LRP1B: variants seen among roughly 807,000 people sequenced by gnomAD.
LRP1B encodes LDL receptor related protein 1B.
Under a neutral mutation model 556.6 loss-of-function variants are expected in LRP1B, and 217 were observed. That is an observed-to-expected ratio of 0.39 (90% confidence interval 0.35 to 0.44). The LOEUF (loss-of-function observed/expected upper bound fraction) is 0.44, where lower values mean the gene tolerates loss of function less well. Ranked by LOEUF, LRP1B falls within the 20% of genes least tolerant of loss-of-function variation. The pLI is 1.00. For synonymous variants in LRP1B, 2,047 were observed against 1,865.8 expected, an observed-to-expected ratio of 1.10 and a Z score of -2.50; for missense variants, 5,053 against 5,620.8, an observed-to-expected ratio of 0.90 and a Z score of 3.23.
At chr2:142,094,638 A>G (rs1345124195) in intron 1 of LRP1B, among the ~76,000 whole-genome samples, 1 of 152,010 alleles carries the variant, frequency 6.6e-6, no homozygotes, top group Non-Finnish European at 1.5e-5. Context: ...TTAATAAAAG[A>G]TTCAATGAAG....
At chr2:141,644,048 G>A (rs1689452668) in intron 2 of LRP1B, among the ~76,000 whole-genome samples, 1 of 150,686 alleles carries the variant, frequency 6.6e-6, no homozygotes, top group East Asian at 2.0e-4. Flanking sequence ...GTGTGTGTGT[G>A]TGTATGTGAG....
In LRP1B at chr2:141,211,936, A is replaced by C. The variant is rs115866318; in HGVS notation, c.850+17247T>G. Among the ~76,000 whole-genome samples the C allele has an allele frequency of 5.5e-3, 833 of 152,262 alleles. 11 individuals carry two copies. The highest frequency in any genetic ancestry group is 0.019 in the African/African-American group (785 of 41,570). ...AAGTAATTTTATTAATCAACTTCAC[A>C]GCCACATGCACACAAACACAAGACT... On this transcript the variant is annotated intron_variant, in intron 6 of 90. Coordinates refer to ENST00000389484, the MANE Select transcript of LRP1B (RefSeq NM_018557.3).
At chr2:140,258,230 A>G (rs1455596905) in intron 86 of LRP1B, among the ~76,000 whole-genome samples, 1 of 152,054 alleles carries the variant, frequency 6.6e-6, no homozygotes, top group Non-Finnish European at 1.5e-5. Flanking sequence ...GAAGAATATG[A>G]CAAAGTGCTT....
intron 5 of LRP1B, among the ~76,000 whole-genome samples, chr2:141,235,663 G>A (rs7560336): frequency 0.59 from 90,193 of 151,944 alleles, 27,145 homozygotes; most frequent in Admixed American, 0.66. Flanking sequence ...GGTACAACAC[G>A]CATAACTGGT....
At chr2:140,269,854 A>G (rs1159096693) in intron 86 of LRP1B, among the ~76,000 whole-genome samples, 1 of 151,952 alleles carries the variant, frequency 6.6e-6, no homozygotes, top group Non-Finnish European at 1.5e-5. Flanking sequence ...AGCATTATAC[A>G]TATGAAAGAA....
At chr2:141,027,073 A>T (rs1451199227) in intron 11 of LRP1B, among the ~76,000 whole-genome samples, 1 of 152,124 alleles carries the variant, frequency 6.6e-6, no homozygotes, top group Non-Finnish European at 1.5e-5. Flanking sequence ...AGTTGAAGAA[A>T]GTTTAACCTA....
intron 2 of LRP1B, among the ~76,000 whole-genome samples, chr2:141,648,487 T>C (rs555210787): frequency 3.5e-4 from 54 of 152,314 alleles, no homozygotes; most frequent in African/African-American, 1.3e-3. Context: ...TTCTCTCTTT[T>C]CTATTCCTAC....
rs1358074472 is a variant in LRP1B, at chr2:142,120,478, A to G, written c.82+10170T>C. Reference sequence around the variant, plus strand: ...TACAGCCAATAATAGCTTTGTTACAATTTCTTCCCTTTTTCCTAATTAAAT... The same window carrying G: ...TACAGCCAATAATAGCTTTGTTACAGTTTCTTCCCTTTTTCCTAATTAAAT... On this transcript the variant is annotated intron_variant, in intron 1 of 90. Coordinates refer to ENST00000389484, the MANE Select transcript of LRP1B (RefSeq NM_018557.3). Among the ~76,000 whole-genome samples the G allele has an allele frequency of 2.0e-5, 3 of 152,030 alleles. No individual in the cohort carries two copies. The South Asian group carries it at 6.2e-4, about 32-fold the overall frequency.
intron 7 of LRP1B, among the ~76,000 whole-genome samples, chr2:141,122,212 C>T (rs1701071001): frequency 6.6e-6 from 1 of 152,008 alleles, no homozygotes; most frequent in Non-Finnish European, 1.5e-5. Flanking sequence ...ATGTCTAAAA[C>T]ACAAAAAGCA....
intron 72 of LRP1B, among the ~76,000 whole-genome samples, chr2:140,360,656 G>A (rs1036886920): frequency 1.3e-5 from 2 of 151,598 alleles, no homozygotes; most frequent in East Asian, 3.9e-4. Flanking sequence ...CAGCAACTCA[G>A]ATGACTTCAA....
At chr2:141,392,686 C>T (rs1036466093) in intron 3 of LRP1B, among the ~76,000 whole-genome samples, 6 of 152,206 alleles carry the variant, frequency 3.9e-5, no homozygotes, top group African/African-American at 1.4e-4. Flanking sequence ...TCTTTAATCT[C>T]ACTGGTATTT....
At chr2:141,036,016 G>C (rs145129236) in intron 11 of LRP1B, among the ~76,000 whole-genome samples, 12 of 152,196 alleles carry the variant, frequency 7.9e-5, no homozygotes, top group African/African-American at 2.9e-4. Flanking sequence ...CTTTGCTTAA[G>C]ATGCAATGCA....
chr2:140,793,670 T>A (rs1690200167), intron 32 of LRP1B, among the ~76,000 whole-genome samples: 1 of 152,014 alleles, frequency 6.6e-6, no homozygotes, highest in Admixed American at 6.6e-5. Context: ...ATATGATATA[T>A]TCACTTAAAA....
At chr2:141,759,078 T>A (rs924896813) in intron 2 of LRP1B, among the ~76,000 whole-genome samples, 1 of 152,036 alleles carries the variant, frequency 6.6e-6, no homozygotes, top group Non-Finnish European at 1.5e-5. Context: ...ATCATCACTC[T>A]AAAAAATGAC....
At chr2:141,989,187 T>G (rs1702277416) in intron 1 of LRP1B, among the ~76,000 whole-genome samples, 1 of 152,068 alleles carries the variant, frequency 6.6e-6, no homozygotes, top group South Asian at 2.1e-4. Flanking sequence ...TATTATCTGT[T>G]TTCTACCACT....
At chr2:141,332,961 A>G (rs1279666233) in intron 3 of LRP1B, among the ~76,000 whole-genome samples, 1 of 152,004 alleles carries the variant, frequency 6.6e-6, no homozygotes, top group Non-Finnish European at 1.5e-5. Flanking sequence ...TTAGCAGCAT[A>G]ATTTGTTTTT....
intron 7 of LRP1B, among the ~76,000 whole-genome samples, chr2:141,140,803 G>T (rs957476556): frequency 6.6e-6 from 1 of 152,018 alleles, no homozygotes; most frequent in African/African-American, 2.4e-5. Context: ...TTTTAAAAAT[G>T]CGAAAAAACC....
rs1703984082 is a variant in LRP1B at position 142,039,154 on chromosome 2, A to G, written c.82+91494T>C. Among the ~76,000 whole-genome samples, 3 of 151,518 alleles carry G rather than the reference A, an allele frequency of 2.0e-5. No individual in the cohort carries two copies. The South Asian group carries it at 6.2e-4, about 31-fold the overall frequency. ...TCATCATGAAAAGTGAGTTTTTATTATGGCAGAGGAAAATTTAACTGGGAA... is the reference window on the plus strand; with the variant it reads ...TCATCATGAAAAGTGAGTTTTTATTGTGGCAGAGGAAAATTTAACTGGGAA... On this transcript the variant is annotated intron_variant, in intron 1 of 90. Transcript: ENST00000389484.
chr2:140,687,571 CAT>C (rs971843595), intron 41 of LRP1B, among the ~76,000 whole-genome samples: 1 of 151,542 alleles, frequency 6.6e-6, no homozygotes, highest in African/African-American at 2.4e-5. Context: ...CTGATATCCA[CAT>C]GATTTTTTTT....
Sources: allele counts gnomAD v4.1 joint callset (sites outside exome capture counted in the v4.1 genomes callset), GRCh38; gene constraint gnomAD v4.1.1; transcripts MANE v1.5; gene names NCBI Gene and HGNC (gene_info 2026-07-23, HGNC 2026-07-21).